LRMDA: variants seen among roughly 807,000 people sequenced by gnomAD.
LRMDA encodes the protein leucine-rich melanocyte differentiation-associated protein.
LRMDA carries 18 observed loss-of-function variants against 29.8 expected under a neutral mutation model. The observed-to-expected ratio is 0.60, with a 90% CI of 0.42 to 0.90. The LOEUF (loss-of-function observed/expected upper bound fraction) is 0.90. Among genes scored for constraint, LRMDA ranks in the 40% least tolerant of loss-of-function variants. The pLI is 0.00. For missense variants in LRMDA, 273 were observed against 273.9 expected (o/e 1.00, Z 0.02); for synonymous variants, 125 against 109.4 (o/e 1.14, Z -0.89).
intron 6 of LRMDA, among the ~76,000 whole-genome samples, chr10:76,401,356 G>C (rs1841846641): frequency 6.6e-6 from 1 of 152,094 alleles, no homozygotes; most frequent in Non-Finnish European, 1.5e-5. Context: ...CGCATACCTG[G>C]CATTGTCCTA....
chr10:75,471,400 A>T (rs1844724594), intron 2 of LRMDA, among the ~76,000 whole-genome samples: 1 of 152,140 alleles, frequency 6.6e-6, no homozygotes, highest in Non-Finnish European at 1.5e-5. Context: ...TTCAGCTTCA[A>T]ACCAGGCATT....
intron 5 of LRMDA, among the ~76,000 whole-genome samples, chr10:76,117,476 G>T (rs998045111): frequency 6.6e-6 from 1 of 152,152 alleles, no homozygotes; most frequent in Non-Finnish European, 1.5e-5. Flanking sequence ...TGTAGCATAG[G>T]CTTTGGGGGA....
At chr10:75,548,090 G>C (rs1237791141) in intron 2 of LRMDA, among the ~76,000 whole-genome samples, 1 of 149,530 alleles carries the variant, frequency 6.7e-6, no homozygotes, top group South Asian at 2.1e-4. Context: ...GTGAAGGACA[G>C]CATTTAAAAG....
intron 2 of LRMDA, among the ~76,000 whole-genome samples, chr10:75,547,729 C>G (rs988008290): frequency 3.9e-5 from 6 of 152,016 alleles, no homozygotes; most frequent in Non-Finnish European, 1.5e-5. Flanking sequence ...TGGGCTGTTA[C>G]GTAAAAAAAA....
At chr10:75,817,108 G>A (rs1391423103) in intron 2 of LRMDA, among the ~76,000 whole-genome samples, 5 of 152,190 alleles carry the variant, frequency 3.3e-5, no homozygotes, top group African/African-American at 4.8e-5. Flanking sequence ...AGCAGCATAT[G>A]TTGATTGCCT....
At chr10:75,575,827 G>T (rs964785039) in intron 2 of LRMDA, among the ~76,000 whole-genome samples, 2 of 152,082 alleles carry the variant, frequency 1.3e-5, no homozygotes, top group Non-Finnish European at 2.9e-5. Context: ...ATGCACTCCG[G>T]CCCAGATACT....
chr10:75,503,583 G>T (rs962731442), intron 2 of LRMDA, among the ~76,000 whole-genome samples: 2 of 152,004 alleles, frequency 1.3e-5, no homozygotes, highest in African/African-American at 4.8e-5. Flanking sequence ...GTTTATAGAA[G>T]TTGCAATCCC....
intron 2 of LRMDA, among the ~76,000 whole-genome samples, chr10:75,618,351 C>T (rs1357528563): frequency 9.8e-6 from 1 of 102,116 alleles, no homozygotes; most frequent in Non-Finnish European, 2.0e-5. Flanking sequence ...GTTGTCTTTA[C>T]CAGACTCTCT....
At position 76,312,583 on chromosome 10, in the gene LRMDA, A is replaced by G. The variant is rs540067933; in HGVS notation, c.517-11818A>G. The stretch of plus-strand genomic sequence containing the variant: ...ATCAAGCCCTTAGGACTACCATGAC[A>G]TAATATCATTTTTAAGACAGTCCTA... On this transcript the variant is annotated intron_variant, in intron 5 of 6. Transcript: ENST00000611255. 2.0e-5 allele frequency among the ~76,000 whole-genome samples: 3 copies of G among 152,222 alleles called. No homozygotes were observed. The East Asian group carries it at 5.8e-4, about 30-fold the overall frequency.
chr10:76,111,860 C>T (rs1849583962), intron 5 of LRMDA, among the ~76,000 whole-genome samples: 1 of 152,032 alleles, frequency 6.6e-6, no homozygotes, highest in African/African-American at 2.4e-5. Flanking sequence ...CAAAATTAGC[C>T]GTTTAAATTA....
intron 2 of LRMDA, among the ~76,000 whole-genome samples, chr10:75,559,577 T>A (rs1020009881): frequency 5.4e-5 from 8 of 149,032 alleles, no homozygotes; most frequent in Admixed American, 1.4e-4. Context: ...TTGCCATTGC[T>A]TTTGGTGTTT....
chr10:76,102,481 C>A (rs1300170916), intron 5 of LRMDA, among the ~76,000 whole-genome samples: 1 of 152,148 alleles, frequency 6.6e-6, no homozygotes, highest in Non-Finnish European at 1.5e-5. Flanking sequence ...TGAGAACCTG[C>A]AGTATTTGGC....
intron 2 of LRMDA, among the ~76,000 whole-genome samples, chr10:75,797,534 C>A (rs1843673353): frequency 6.6e-6 from 1 of 152,128 alleles, no homozygotes; most frequent in South Asian, 2.1e-4. Flanking sequence ...CCCTTATGTC[C>A]ATTTGCCGTC....
intron 2 of LRMDA, among the ~76,000 whole-genome samples, chr10:75,996,657 T>C (rs1847467430): frequency 6.6e-6 from 1 of 152,114 alleles, no homozygotes; most frequent in African/African-American, 2.4e-5. Flanking sequence ...TCTGTTAACA[T>C]AGCTGATCTC....
chr10:76,528,330 T>G (rs1266542311), intron 6 of LRMDA, among the ~76,000 whole-genome samples: 1 of 152,126 alleles, frequency 6.6e-6, no homozygotes, highest in East Asian at 1.9e-4. Context: ...TATATAGTAT[T>G]CAAGTGATGG....
rs142179583 is a variant in LRMDA at position 75,679,540 on chromosome 10, G to A, written c.131+241046G>A. Among the ~76,000 whole-genome samples, 817 of 152,256 alleles carry A rather than the reference G, an allele frequency of 5.4e-3. 6 individuals are homozygous for A. The highest frequency in any genetic ancestry group is 0.02 in the Middle Eastern group (6 of 294). On this transcript the variant is annotated intron_variant, in intron 2 of 6. Coordinates refer to ENST00000611255, the MANE Select transcript of LRMDA (RefSeq NM_001305581.2). Reference sequence around the variant, plus strand: ...TCTCCTTCTCCATCGGTATTATTCTGGGGCTGGCCATGCATCTCTCTTGGG... The same window carrying A: ...TCTCCTTCTCCATCGGTATTATTCTAGGGCTGGCCATGCATCTCTCTTGGG...
chr10:75,750,716 CG>C (rs1842954281), intron 2 of LRMDA, among the ~76,000 whole-genome samples: 1 of 63,388 alleles, frequency 1.6e-5, no homozygotes, highest in Admixed American at 2.0e-4. Flanking sequence ...ACATCCCAGA[CG>C]GGGCGGGGGG....
At position 76,424,706 on chromosome 10, in the gene LRMDA, A is replaced by G. The variant is rs1052873473; in HGVS notation, c.601+100221A>G. Among the ~76,000 whole-genome samples the G allele has an allele frequency of 3.9e-5, 6 of 152,236 alleles. No homozygotes were observed. The East Asian group carries it at 1.2e-3, about 29-fold the overall frequency. On this transcript the variant is annotated intron_variant, in intron 6 of 6. Coordinates refer to ENST00000611255, the MANE Select transcript of LRMDA (RefSeq NM_001305581.2). Reference sequence around the variant, plus strand: ...TCATTACCCATTTAATAAAATGGCAATTGCAGCTCAGAAGGCAAAGAATGT... The same window carrying G: ...TCATTACCCATTTAATAAAATGGCAGTTGCAGCTCAGAAGGCAAAGAATGT...
Position 76,246,895 on chromosome 10 carries a change from G to C in LRMDA, c.517-77506G>C, listed in dbSNP as rs151029594. Among the ~76,000 whole-genome samples the C allele has an allele frequency of 3.9e-3, 587 of 152,324 alleles. 5 individuals carry two copies. Among genetic ancestry groups the C allele is most frequent in the African/African-American group, 0.014 (564 of 41,568 alleles). Reference sequence around the variant, plus strand: ...AGGGATGAGGGGATACAAAAGGGGAGAGGCTACAAATGGCAGAGCCAGGTC... The same window carrying C: ...AGGGATGAGGGGATACAAAAGGGGACAGGCTACAAATGGCAGAGCCAGGTC... On this transcript the variant is annotated intron_variant, in intron 5 of 6. Coordinates refer to ENST00000611255, the MANE Select transcript of LRMDA (RefSeq NM_001305581.2).
Sources: allele counts gnomAD v4.1 joint callset (sites outside exome capture counted in the v4.1 genomes callset), GRCh38; gene constraint gnomAD v4.1.1; transcripts MANE v1.5; gene names NCBI Gene and HGNC (gene_info 2026-07-23, HGNC 2026-07-21).